The following LDLRAD4 variants were observed in gnomAD, a reference collection of about 807,000 sequenced individuals.
LDLRAD4 encodes low density lipoprotein receptor class A domain containing 4, also known as low-density lipoprotein receptor class A domain-containing protein 4.
LDLRAD4 carries 5 observed loss-of-function variants against 17.0 expected under a neutral mutation model. The observed-to-expected ratio is 0.29, with a 90% CI of 0.15 to 0.62. The LOEUF (loss-of-function observed/expected upper bound fraction) is 0.62. Among genes scored for constraint, LDLRAD4 ranks in the 20% least tolerant of loss-of-function variants. The pLI is 0.84. For synonymous variants in LDLRAD4, 168 were observed against 171.8 expected, an observed-to-expected ratio of 0.98 and a Z score of 0.17; for missense variants, 340 against 424.7, an observed-to-expected ratio of 0.80 and a Z score of 1.75.
intron 2 of LDLRAD4, among the ~76,000 whole-genome samples, chr18:13,404,911 T>C (rs1200202431): frequency 6.6e-6 from 1 of 151,824 alleles, no homozygotes; most frequent in African/African-American, 2.4e-5. Flanking sequence ...TGCAAAAGAA[T>C]TGAAATCGCA....
chr18:13,611,800 A>C lies in LDLRAD4; in HGVS notation c.182-9317A>C, dbSNP rs2039586144. 3 of 985,566 alleles carry C rather than the reference A, an allele frequency of 3.0e-6. No homozygotes were observed. In the African/African-American group the frequency reaches 5.2e-5, roughly 17 times the overall value. The allele number at this position is 985,566 out of a possible 1,614,324, so 61.1% of individuals were successfully genotyped here. On this transcript the variant is annotated intron_variant, in intron 3 of 5. Coordinates refer to ENST00000359446, the Ensembl canonical transcript of LDLRAD4. ...AAGAGGGAAGAGCGAGCCGGGGGGA[A>C]AGGAGCGCGCAGTGTTTCCTGCTGC...
chr18:13,490,776 A>G (rs1194222416), intron 3 of LDLRAD4: 1 of 152,218 alleles, frequency 6.6e-6, no homozygotes, highest in Non-Finnish European at 1.5e-5. Context: ...TATTAAAAGC[A>G]TGCAGCATGG....
intron 1 of LDLRAD4, among the ~76,000 whole-genome samples, chr18:13,370,999 A>C (rs983464081): frequency 6.6e-6 from 1 of 151,818 alleles, no homozygotes; most frequent in East Asian, 1.9e-4. Context: ...ATGAGCCACC[A>C]CACCCGGCCC....
intron 1 of LDLRAD4, among the ~76,000 whole-genome samples, chr18:13,380,107 G>T (rs1164166878): frequency 6.6e-6 from 1 of 152,202 alleles, no homozygotes; most frequent in Non-Finnish European, 1.5e-5. Flanking sequence ...GGTGGCCACA[G>T]TGGAGGTGTC....
chr18:13,372,005 AT>A (rs746237274), intron 1 of LDLRAD4, among the ~76,000 whole-genome samples: 3 of 152,178 alleles, frequency 2.0e-5, no homozygotes, highest in Non-Finnish European at 4.4e-5. Context: ...CACTCAAGCC[AT>A]GGTTTCTACT....
intron 3 of LDLRAD4, among the ~76,000 whole-genome samples, chr18:13,587,787 T>C (rs1309245330): frequency 6.6e-6 from 1 of 152,256 alleles, no homozygotes. Context: ...ATAATCCTGC[T>C]TACTGGTATC....
rs111314480 is a variant in LDLRAD4, at chr18:13,568,258, C to T, written c.182-52859C>T. 3.9e-3 allele frequency among the ~76,000 whole-genome samples: 585 copies of T among 151,132 alleles called. 5 individuals are homozygous for T. Among genetic ancestry groups the T allele is most frequent in the African/African-American group, 0.014 (563 of 41,108 alleles). ...GCAGTGAGCCAAGATCATGCCACTG[C>T]ACTCCAGCCTGGGTGACAGAGTGAG... On this transcript the variant is annotated intron_variant, in intron 3 of 5. Transcript: ENST00000359446.
intron 3 of LDLRAD4, among the ~76,000 whole-genome samples, chr18:13,460,220 C>T (rs2092364781): frequency 6.6e-6 from 1 of 152,056 alleles, no homozygotes; most frequent in Non-Finnish European, 1.5e-5. Flanking sequence ...AGAGACAGGG[C>T]CTCACTCTCT....
intron 3 of LDLRAD4, among the ~76,000 whole-genome samples, chr18:13,523,499 G>A (rs1211321792): frequency 6.6e-6 from 1 of 152,212 alleles, no homozygotes; most frequent in African/African-American, 2.4e-5. Context: ...GGATGAGAGT[G>A]CAGCCCGCCT....
chr18:13,451,186 C>G lies in LDLRAD4; in HGVS notation c.181+12802C>G, dbSNP rs536687709. On this transcript the variant is annotated intron_variant, in intron 3 of 5. Transcript: ENST00000359446. ...GTATGTTTCTAGTCTGTCTGGGCTA[C>G]TATTACCAAATACCATAGACTGTGA... Among the ~76,000 whole-genome samples, 55 of 152,326 alleles carry G rather than the reference C, an allele frequency of 3.6e-4. 1 individual carries two copies. The highest frequency in any genetic ancestry group is 1.3e-3 in the African/African-American group (53 of 41,564).
In LDLRAD4 at chr18:13,346,341, G is replaced by C. The variant is rs539453395; in HGVS notation, c.-382-41000G>C. ...CTGCCTTCATTTTGTTATGTACCCA[G>C]TACATTCAGGAGCAGGTTGTTCAGT... On this transcript the variant is annotated intron_variant, in intron 1 of 5. Transcript: ENST00000359446. Among the ~76,000 whole-genome samples the C allele has an allele frequency of 2.0e-5, 3 of 152,258 alleles. No individual in the cohort carries two copies. The South Asian group carries it at 6.2e-4, about 32-fold the overall frequency.
intron 3 of LDLRAD4, among the ~76,000 whole-genome samples, chr18:13,532,329 A>G (rs1167991978): frequency 6.6e-6 from 1 of 152,234 alleles, no homozygotes; most frequent in Non-Finnish European, 1.5e-5. Flanking sequence ...ATTGCGGCTG[A>G]AACTTCGGTG....
At chr18:13,332,413 T>A (rs1038014030) in intron 1 of LDLRAD4, among the ~76,000 whole-genome samples, 5 of 152,200 alleles carry the variant, frequency 3.3e-5, no homozygotes, top group African/African-American at 1.2e-4. Flanking sequence ...TGAAACATCA[T>A]CACTGAAAGT....
chr18:13,640,539 T>A (rs1225616151), intron 4 of LDLRAD4, among the ~76,000 whole-genome samples: 1 of 152,132 alleles, frequency 6.6e-6, no homozygotes, highest in Non-Finnish European at 1.5e-5. Flanking sequence ...TTTGAGAACC[T>A]CAGGGCAGAA....
chr18:13,289,741 G>A (rs1453823352), intron 1 of LDLRAD4, among the ~76,000 whole-genome samples: 1 of 152,216 alleles, frequency 6.6e-6, no homozygotes, highest in East Asian at 1.9e-4. Context: ...GAGATGGGAG[G>A]TGGAGAGAAC....
At chr18:13,299,802 A>G (rs56398323) in intron 1 of LDLRAD4, among the ~76,000 whole-genome samples, 36,020 of 152,002 alleles carry the variant, frequency 0.24, 4,455 homozygotes, top group Middle Eastern at 0.35. Context: ...TGATCATGCC[A>G]CTTACCCTCC....
intron 3 of LDLRAD4, among the ~76,000 whole-genome samples, chr18:13,459,381 TC>T (rs2092317123): frequency 6.7e-6 from 1 of 149,712 alleles, no homozygotes; most frequent in Admixed American, 6.7e-5. Context: ...GTTTTTTTTT[TC>T]TTTTTGTTTT....
intron 2 of LDLRAD4, among the ~76,000 whole-genome samples, chr18:13,410,585 G>A (rs1165552767): frequency 1.3e-5 from 2 of 152,190 alleles, no homozygotes; most frequent in African/African-American, 4.8e-5. Flanking sequence ...TGCATTAATG[G>A]ATGGAAACAT....
chr18:13,560,995 A>G (rs1344963567), intron 3 of LDLRAD4, among the ~76,000 whole-genome samples: 1 of 152,208 alleles, frequency 6.6e-6, no homozygotes, highest in East Asian at 1.9e-4. Context: ...ATGGAGACAC[A>G]TCTGTGTGAC....
Sources: allele counts gnomAD v4.1 joint callset (sites outside exome capture counted in the v4.1 genomes callset), GRCh38; gene constraint gnomAD v4.1.1; transcripts MANE v1.5; gene names NCBI Gene and HGNC (gene_info 2026-07-23, HGNC 2026-07-21).